The following PTPRD variants were observed in gnomAD, a reference collection of about 807,000 sequenced individuals.
PTPRD encodes protein tyrosine phosphatase receptor type D.
A neutral mutation model predicts 214.5 loss-of-function variants in PTPRD; 34 were observed. That is an observed-to-expected ratio of 0.16 (90% CI 0.12 to 0.21). The LOEUF (loss-of-function observed/expected upper bound fraction) is 0.21. Among genes scored for constraint, PTPRD ranks in the 10% least tolerant of loss-of-function variants. PTPRD has a pLI of 1.00. For synonymous variants in PTPRD, 1,128 were observed against 845.7 expected, an observed-to-expected ratio of 1.33 and a Z score of -5.79; for missense variants, 2,545 against 2,398.7, an observed-to-expected ratio of 1.06 and a Z score of -1.27.
intron 11 of PTPRD, among the ~76,000 whole-genome samples, chr9:8,896,288 C>A (rs1422636138): frequency 6.6e-6 from 1 of 152,176 alleles, no homozygotes; most frequent in Non-Finnish European, 1.5e-5. Context: ...CTATTGCCTT[C>A]AGAATTGGTT....
chr9:10,200,316 A>T (rs751937254), intron 3 of PTPRD, among the ~76,000 whole-genome samples: 11 of 152,000 alleles, frequency 7.2e-5, no homozygotes, highest in Admixed American at 3.3e-4. Context: ...CAACTGGGAA[A>T]TTTTTTTCCA....
intron 7 of PTPRD, among the ~76,000 whole-genome samples, chr9:9,671,700 G>C (rs1018301565): frequency 6.6e-6 from 1 of 152,100 alleles, no homozygotes; most frequent in African/African-American, 2.4e-5. Context: ...TTCATAAGGG[G>C]TTTGCACTTT....
At chr9:8,786,232 G>C (rs1447890665) in intron 11 of PTPRD, among the ~76,000 whole-genome samples, 2 of 152,148 alleles carry the variant, frequency 1.3e-5, no homozygotes, top group African/African-American at 4.8e-5. Context: ...TGTTAACTAT[G>C]AGTTTCATTT....
chr9:9,252,130 A>C (rs1028085028), intron 9 of PTPRD, among the ~76,000 whole-genome samples: 1 of 152,128 alleles, frequency 6.6e-6, no homozygotes, highest in East Asian at 1.9e-4. Flanking sequence ...AGGGGACCAA[A>C]ATGTGCCACC....
chr9:9,391,998 C>T (rs2066000864), intron 9 of PTPRD, among the ~76,000 whole-genome samples: 1 of 152,054 alleles, frequency 6.6e-6, no homozygotes, highest in Non-Finnish European at 1.5e-5. Flanking sequence ...TTGATCCTTA[C>T]TACTCTTAAG....
intron 2 of PTPRD, among the ~76,000 whole-genome samples, chr9:10,357,270 T>A (rs2097296604): frequency 6.6e-6 from 1 of 152,202 alleles, no homozygotes; most frequent in African/African-American, 2.4e-5. Flanking sequence ...GATTTTTCTG[T>A]GTTTGATTTG....
intron 19 of PTPRD, among the ~76,000 whole-genome samples, 176 bp downstream of exon 19, chr9:8,523,337 C>G (rs544344883): frequency 6.6e-6 from 1 of 152,180 alleles, no homozygotes; most frequent in South Asian, 2.1e-4. Flanking sequence ...CCACCATGCA[C>G]CACAGTTAGA....
chr9:10,569,053 C>A (rs200548253), intron 2 of PTPRD, among the ~76,000 whole-genome samples: 29 of 151,908 alleles, frequency 1.9e-4, no homozygotes, highest in African/African-American at 2.9e-4. Context: ...CAGAATCTAC[C>A]ATGAACTCAA....
At chr9:10,338,678 G>A (rs989274452) in intron 3 of PTPRD, among the ~76,000 whole-genome samples, 11 of 151,738 alleles carry the variant, frequency 7.2e-5, no homozygotes, top group Admixed American at 5.9e-4. Context: ...CTACGTCAAA[G>A]TGCTGCTTTC....
At chr9:8,498,202 C>T (rs2097317144) in intron 25 of PTPRD, among the ~76,000 whole-genome samples, 1 of 152,128 alleles carries the variant, frequency 6.6e-6, no homozygotes, top group Admixed American at 6.5e-5. Context: ...TGAGAGTTGA[C>T]TTGTATTAAG....
At chr9:9,670,721 G>T (rs775513879) in intron 7 of PTPRD, among the ~76,000 whole-genome samples, 1 of 152,196 alleles carries the variant, frequency 6.6e-6, no homozygotes, top group Admixed American at 6.5e-5. Context: ...TTCAGAGGTT[G>T]CAGGCCTCAA....
rs74578013 is a variant in PTPRD, at chr9:9,925,784, A to G, written c.-368+12723T>C. 7.2e-5 allele frequency among the ~76,000 whole-genome samples: 11 copies of G among 152,184 alleles called. No individual in the cohort carries two copies. In the East Asian group the frequency reaches 2.1e-3, roughly 29 times the overall value. On this transcript the variant is annotated intron_variant, in intron 5 of 45. Coordinates refer to ENST00000381196, the MANE Select transcript of PTPRD (RefSeq NM_002839.4). ...GTTTCATTGTAATGCTAGATAGATG[A>G]TGACTTGTGAGAAAGAATCTCAAAT...
intron 10 of PTPRD, among the ~76,000 whole-genome samples, chr9:9,130,784 T>C (rs976432049): frequency 6.6e-6 from 1 of 152,136 alleles, no homozygotes; most frequent in Non-Finnish European, 1.5e-5. Context: ...TGCTGAGCTA[T>C]TTTGGGGTAG....
At chr9:9,796,774 T>G (rs933383998) in intron 5 of PTPRD, among the ~76,000 whole-genome samples, 1 of 152,168 alleles carries the variant, frequency 6.6e-6, no homozygotes, top group Non-Finnish European at 1.5e-5. Context: ...CCATGAGGAC[T>G]GAGAAAAGGA....
chr9:9,384,343 CTTTTTTTTTTTT>C (rs869246078), intron 9 of PTPRD, among the ~76,000 whole-genome samples: 34 of 33,292 alleles, frequency 1.0e-3, no homozygotes, highest in African/African-American at 2.1e-3. Flanking sequence ...GAAGACTAGG[CTTTTTTTTTTTT>C]TTTTTTTTTT....
rs1339397998 is a variant in PTPRD, at chr9:10,048,873, A to C, written c.-544-15083T>G. On this transcript the variant is annotated intron_variant, in intron 3 of 45. Coordinates refer to ENST00000381196, the MANE Select transcript of PTPRD (RefSeq NM_002839.4). ...CCCAAAGATATCTGAATTTTAACAG[A>C]GTCAAATTTAGCAAGCAGAAAGAGC... 3.3e-5 allele frequency among the ~76,000 whole-genome samples: 5 copies of C among 152,104 alleles called. No individual in the cohort carries two copies. The East Asian group carries it at 7.8e-4, about 24-fold the overall frequency.
intron 8 of PTPRD, among the ~76,000 whole-genome samples, chr9:9,527,974 G>A (rs188940097): frequency 1.2e-4 from 19 of 152,280 alleles, no homozygotes; most frequent in Non-Finnish European, 1.8e-4. Context: ...GTAGGACTAT[G>A]ATCCCAAAAA....
At chr9:8,852,184 A>T (rs1286154539) in intron 11 of PTPRD, among the ~76,000 whole-genome samples, 1 of 152,228 alleles carries the variant, frequency 6.6e-6, no homozygotes, top group Non-Finnish European at 1.5e-5. Flanking sequence ...TTCTAAATAC[A>T]ATTCCCAAAT....
At chr9:10,111,592 C>G (rs1167288605) in intron 3 of PTPRD, among the ~76,000 whole-genome samples, 2 of 152,100 alleles carry the variant, frequency 1.3e-5, no homozygotes, top group Admixed American at 1.3e-4. Flanking sequence ...ATAATATTGG[C>G]CACTTCAGTG....
Sources: allele counts gnomAD v4.1 joint callset (sites outside exome capture counted in the v4.1 genomes callset), GRCh38; gene constraint gnomAD v4.1.1; transcripts MANE v1.5; gene names NCBI Gene and HGNC (gene_info 2026-07-23, HGNC 2026-07-21).